ASIC2: variants seen among roughly 807,000 people sequenced by gnomAD.
ASIC2 encodes acid sensing ion channel subunit 2, also known as acid-sensing ion channel 2.
Under a neutral mutation model 57.3 loss-of-function variants are expected in ASIC2, and 25 were observed. The ratio of observed to expected loss-of-function variants is 0.44; its 90% confidence interval spans 0.32 to 0.61. The LOEUF (loss-of-function observed/expected upper bound fraction) is 0.61, where lower values mean the gene tolerates loss of function less well. Among genes scored for constraint, ASIC2 ranks in the 20% least tolerant of loss-of-function variants. The probability of loss-of-function intolerance (pLI) is 0.06; values close to 1 mark genes in which losing one functional copy is unlikely to be tolerated. For synonymous variants in ASIC2, 319 were observed against 307.5 expected (o/e 1.04, Z -0.39); for missense variants, 641 against 738.1 (o/e 0.87, Z 1.52).
At chr17:33,208,119 C>A (rs1378066949) in intron 1 of ASIC2, among the ~76,000 whole-genome samples, 1 of 152,130 alleles carries the variant, frequency 6.6e-6, no homozygotes, top group Non-Finnish European at 1.5e-5. Context: ...GACCCCCTGA[C>A]TGGGGGAGGT....
chr17:33,703,002 G>T (rs1908749814), intron 1 of ASIC2, among the ~76,000 whole-genome samples: 1 of 152,186 alleles, frequency 6.6e-6, no homozygotes, highest in African/African-American at 2.4e-5. Context: ...GGTAAGGGAA[G>T]AGTTCATTTT....
chr17:34,009,922 C>T (rs1314253290), intron 1 of ASIC2, among the ~76,000 whole-genome samples: 1 of 152,218 alleles, frequency 6.6e-6, no homozygotes, highest in Non-Finnish European at 1.5e-5. Flanking sequence ...GACCATCACA[C>T]TAAATGCAGG....
At chr17:33,594,634 C>T (rs1395590081) in intron 1 of ASIC2, among the ~76,000 whole-genome samples, 1 of 152,006 alleles carries the variant, frequency 6.6e-6, no homozygotes, top group African/African-American at 2.4e-5. Context: ...CGAGACCATC[C>T]TGGCTAACAC....
At chr17:33,196,097 G>C (rs1310997168) in intron 1 of ASIC2, among the ~76,000 whole-genome samples, 1 of 152,194 alleles carries the variant, frequency 6.6e-6, no homozygotes, top group African/African-American at 2.4e-5. Context: ...CAGATACCTG[G>C]CACAGAGTGA....
At chr17:33,641,639 C>T (rs1406180958) in intron 1 of ASIC2, among the ~76,000 whole-genome samples, 1 of 152,172 alleles carries the variant, frequency 6.6e-6, no homozygotes, top group Non-Finnish European at 1.5e-5. Flanking sequence ...TCCCAGAAGC[C>T]CCTCTTTTTG....
rs140380816 is a variant in ASIC2 at position 34,076,928 on chromosome 17, C to T, written c.555+79050G>A. Among the ~76,000 whole-genome samples the T allele has an allele frequency of 1.0e-3, 154 of 152,302 alleles. 1 individual carries two copies. Among genetic ancestry groups the T allele is most frequent in the African/African-American group, 3.5e-3 (147 of 41,580 alleles). ...GGCAGTACTATTGTGGGTGGCTTAG[C>T]GCAACACAAGATCAGCACCTGCCAT... On this transcript the variant is annotated intron_variant, in intron 1 of 9. Transcript: ENST00000359872.
At position 34,077,715 on chromosome 17, in the gene ASIC2, T is replaced by C. The variant is rs1393396054; in HGVS notation, c.555+78263A>G. Among the ~76,000 whole-genome samples the C allele has an allele frequency of 2.0e-5, 3 of 152,166 alleles. No individual in the cohort carries two copies. The East Asian group carries it at 5.8e-4, about 29-fold the overall frequency. On this transcript the variant is annotated intron_variant, in intron 1 of 9. Coordinates refer to the ASIC2 transcript ENST00000359872. ...TAATTGCGTCCTCATTGAAATTCCTTGCCCACTGCCATCACCTCCTTTTGA... is the reference window on the plus strand; with the variant it reads ...TAATTGCGTCCTCATTGAAATTCCTCGCCCACTGCCATCACCTCCTTTTGA...
intron 1 of ASIC2, among the ~76,000 whole-genome samples, chr17:33,456,109 A>C (rs1912443853): frequency 6.6e-6 from 1 of 151,890 alleles, no homozygotes; most frequent in Non-Finnish European, 1.5e-5. Flanking sequence ...TTCTGCGCTT[A>C]ATATGTTTTC....
chr17:33,480,940 T>C (rs35332030), intron 1 of ASIC2, among the ~76,000 whole-genome samples: 3,494 of 152,294 alleles, frequency 0.023, 109 homozygotes, highest in East Asian at 0.13. Context: ...CCAGGTTTGC[T>C]CTTTGACCTC....
At chr17:33,691,681 T>C (rs761272370) in intron 1 of ASIC2, among the ~76,000 whole-genome samples, 4 of 152,094 alleles carry the variant, frequency 2.6e-5, no homozygotes, top group Non-Finnish European at 5.9e-5. Context: ...TTGTTCATGG[T>C]GGGGTTTTTG....
intron 1 of ASIC2, among the ~76,000 whole-genome samples, chr17:33,746,781 G>A (rs1351881040): frequency 1.3e-5 from 2 of 151,978 alleles, no homozygotes; most frequent in Non-Finnish European, 2.9e-5. Flanking sequence ...TTTTCTCAAC[G>A]TTTTCTCATG....
intron 1 of ASIC2, among the ~76,000 whole-genome samples, chr17:34,016,423 C>CAAAAAAAAA (rs398041640): frequency 1.2e-3 from 48 of 41,392 alleles, no homozygotes; most frequent in Non-Finnish European, 1.6e-3. Flanking sequence ...GACTCCGTCT[C>CAAAAAAAAA]AAAAAAAAAA....
At chr17:33,837,289 G>A (rs1357727904) in intron 1 of ASIC2, among the ~76,000 whole-genome samples, 2 of 152,146 alleles carry the variant, frequency 1.3e-5, no homozygotes, top group South Asian at 4.2e-4. Flanking sequence ...CTCAATCAAT[G>A]GCCTTGCATT....
chr17:33,359,796 C>T (rs1908526756), intron 1 of ASIC2, among the ~76,000 whole-genome samples: 1 of 152,170 alleles, frequency 6.6e-6, no homozygotes, highest in African/African-American at 2.4e-5. Flanking sequence ...GATGCTCCAG[C>T]AGGCATCTGG....
At chr17:33,751,846 G>C (rs1049997353) in intron 1 of ASIC2, among the ~76,000 whole-genome samples, 37 of 151,784 alleles carry the variant, frequency 2.4e-4, no homozygotes, top group Middle Eastern at 6.8e-3. Flanking sequence ...GTAGACTTAG[G>C]GGGCAGACCG....
intron 1 of ASIC2, among the ~76,000 whole-genome samples, chr17:33,725,441 C>T (rs1909517567): frequency 6.6e-6 from 1 of 151,970 alleles, no homozygotes; most frequent in East Asian, 1.9e-4. Context: ...CAGTGATGGG[C>T]GTTAGGGTCA....
chr17:33,044,500 G>A (rs2091943708), intron 3 of ASIC2, among the ~76,000 whole-genome samples: 1 of 152,124 alleles, frequency 6.6e-6, no homozygotes, highest in Non-Finnish European at 1.5e-5. Context: ...AGCCTCCCAA[G>A]TAGCTGAGAT....
At chr17:33,417,442 C>T (rs1385172402) in intron 1 of ASIC2, among the ~76,000 whole-genome samples, 1 of 152,172 alleles carries the variant, frequency 6.6e-6, no homozygotes, top group Non-Finnish European at 1.5e-5. Flanking sequence ...ACCTACCCGG[C>T]CAAGACTACC....
intron 1 of ASIC2, among the ~76,000 whole-genome samples, chr17:33,724,640 G>A (rs1201318227): frequency 2.0e-5 from 3 of 152,186 alleles, no homozygotes; most frequent in African/African-American, 7.2e-5. Flanking sequence ...TTGGCAGAAT[G>A]CAGCAGCCAA....
Sources: gnomAD v4.1 joint callset for allele counts (sites outside exome capture counted in the v4.1 genomes callset) on GRCh38, gnomAD v4.1.1 for gene constraint, MANE v1.5 for transcripts, NCBI Gene and HGNC (gene_info 2026-07-23, HGNC 2026-07-21) for gene names.